Variants in COL19A1 observed in about 807,000 individuals in gnomAD.
The protein encoded by COL19A1 is collagen alpha-1(XIX) chain.
COL19A1 carries 159 observed loss-of-function variants against 190.2 expected under a neutral mutation model. That is an observed-to-expected ratio of 0.84 (90% CI 0.73 to 0.95). COL19A1 has a LOEUF of 0.95. Among genes scored for constraint, COL19A1 ranks in the 40% least tolerant of loss-of-function variants. The pLI, the probability that COL19A1 is intolerant of heterozygous loss-of-function variation, is 0.00. For missense variants in COL19A1, 1,418 were observed against 1,431.9 expected (o/e 0.99, Z 0.16); for synonymous variants, 509 against 458.9 (o/e 1.11, Z -1.39).
chr6:70,025,673 C>G (rs572171343), intron 12 of COL19A1, among the ~76,000 whole-genome samples: 1 of 152,194 alleles, frequency 6.6e-6, no homozygotes, highest in Non-Finnish European at 1.5e-5. Flanking sequence ...TTACACTCTC[C>G]GTGAAAGCAA....
chr6:69,880,564 AG>A (rs1768467504), intron 2 of COL19A1, among the ~76,000 whole-genome samples: 1 of 152,230 alleles, frequency 6.6e-6, no homozygotes, highest in Admixed American at 6.5e-5. Context: ...TTTGAGTTTG[AG>A]GCACACATAA....
At chr6:69,931,196 C>T (rs1182043981) in intron 6 of COL19A1, among the ~76,000 whole-genome samples, 1 of 151,952 alleles carries the variant, frequency 6.6e-6, no homozygotes, top group Non-Finnish European at 1.5e-5. Flanking sequence ...TTCACCTATC[C>T]CACCTGTGTA....
chr6:70,173,626 T>A (rs551632505), intron 41 of COL19A1, among the ~76,000 whole-genome samples: 1 of 152,312 alleles, frequency 6.6e-6, no homozygotes, highest in East Asian at 1.9e-4. Context: ...ATGGATGACC[T>A]TGACCAGAGA....
chr6:70,123,035 T>C (rs1354106034), intron 17 of COL19A1, among the ~76,000 whole-genome samples: 1 of 152,124 alleles, frequency 6.6e-6, no homozygotes, highest in Non-Finnish European at 1.5e-5. Context: ...ATTAAACACT[T>C]CTTTAATTTC....
intron 16 of COL19A1, among the ~76,000 whole-genome samples, chr6:70,106,733 A>T (rs558221461): frequency 6.6e-6 from 1 of 152,342 alleles, no homozygotes; most frequent in Non-Finnish European, 1.5e-5. Flanking sequence ...ACCTATACAA[A>T]GGAAAAAGCT....
intron 2 of COL19A1, among the ~76,000 whole-genome samples, chr6:69,897,464 C>T (rs1582320698): frequency 9.1e-6 from 1 of 109,742 alleles, no homozygotes; most frequent in African/African-American, 4.2e-5. Context: ...GTTTTACACA[C>T]ACACACACAC....
chr6:70,094,199 G>A (rs1009379000), intron 15 of COL19A1, among the ~76,000 whole-genome samples: 7 of 152,098 alleles, frequency 4.6e-5, no homozygotes, highest in Non-Finnish European at 1.0e-4. Flanking sequence ...AGTTCAAAAT[G>A]TAATTCTTTA....
At chr6:70,035,986 G>C (rs369561247) in intron 14 of COL19A1, 47 bp downstream of exon 14, 252 of 1,557,630 alleles carry the variant, frequency 1.6e-4, no homozygotes, top group Non-Finnish European at 2.2e-4. Flanking sequence ...CCATTATTCT[G>C]TTTATTATCC....
At chr6:70,032,886 A>G (rs961020361) in intron 12 of COL19A1, among the ~76,000 whole-genome samples, 4 of 152,192 alleles carry the variant, frequency 2.6e-5, no homozygotes, top group African/African-American at 9.6e-5. Context: ...TCAAGTGTTT[A>G]CAATATTCTG....
chr6:70,169,261 C>G (rs1028401930), intron 40 of COL19A1, among the ~76,000 whole-genome samples: 1 of 152,158 alleles, frequency 6.6e-6, no homozygotes, highest in African/African-American at 2.4e-5. Context: ...AACCATGGAG[C>G]CTCTGTAAAA....
rs535410166 is a variant in COL19A1, at chr6:70,182,403, C to T, written c.2775+1880C>T. ...AGCCAAGAGTTCTGTTTGACATGTT[C>T]ATGATGGAGCACTAGCAGGTATTCA... On this transcript the variant is annotated intron_variant, in intron 44 of 50. Coordinates refer to ENST00000620364, the MANE Select transcript of COL19A1 (RefSeq NM_001858.6). Among the ~76,000 whole-genome samples the T allele has an allele frequency of 2.6e-5, 4 of 152,290 alleles. No individual in the cohort carries two copies. In the South Asian group the frequency reaches 8.3e-4, roughly 32 times the overall value.
At chr6:70,066,052 G>C (rs764273275) in intron 14 of COL19A1, among the ~76,000 whole-genome samples, 6 of 152,082 alleles carry the variant, frequency 3.9e-5, no homozygotes, top group Non-Finnish European at 8.8e-5. Context: ...GATTCCTCAG[G>C]GATCTAGAAC....
chr6:70,008,881 G>T (rs1377450255), intron 11 of COL19A1, among the ~76,000 whole-genome samples: 2 of 151,884 alleles, frequency 1.3e-5, no homozygotes, highest in African/African-American at 4.8e-5. Flanking sequence ...TTGAAAATTT[G>T]TTGATGTCAT....
chr6:69,993,703 G>A (rs1461733279), intron 11 of COL19A1, among the ~76,000 whole-genome samples: 1 of 152,054 alleles, frequency 6.6e-6, no homozygotes, highest in East Asian at 1.9e-4. Flanking sequence ...CTGTTTCTAG[G>A]AGTTTACCTA....
In COL19A1 at chr6:70,065,334, C is replaced by T. The variant is rs374609880; in HGVS notation, c.1171-3089C>T. ...CTACAACTATCTGATCTTTGACAAA[C>T]CTGACAAAAACAAGAAATGGGGAAA... On this transcript the variant is annotated intron_variant, in intron 14 of 50. Transcript: ENST00000620364. Among the ~76,000 whole-genome samples the T allele has an allele frequency of 1.2e-4, 19 of 152,074 alleles. No homozygotes were observed. The East Asian group carries it at 1.3e-3, about 11-fold the overall frequency.
intron 3 of COL19A1, among the ~76,000 whole-genome samples, chr6:69,900,015 A>G (rs1001035637): frequency 5.3e-5 from 8 of 152,182 alleles, no homozygotes; most frequent in African/African-American, 1.9e-4. Context: ...AAATATATTC[A>G]TGATTTTTTT....
At chr6:69,868,649 A>C (rs1429840065) in intron 1 of COL19A1, among the ~76,000 whole-genome samples, 2 of 152,154 alleles carry the variant, frequency 1.3e-5, no homozygotes, top group Non-Finnish European at 2.9e-5. Flanking sequence ...AAGAAAGAGC[A>C]AAAAGGTGAA....
At chr6:70,184,771 A>G in intron 45 of COL19A1, 33 bp downstream of exon 45, 2 of 1,602,580 alleles carry the variant, frequency 1.2e-6, no homozygotes, top group Non-Finnish European at 1.7e-6. Context: ...TAAAAGTTAT[A>G]ATGCATACTG....
At position 70,188,212 on chromosome 6, in the gene COL19A1, C is replaced by A; in HGVS notation, c.2994C>A (p.Gly998=). The stretch of plus-strand genomic sequence containing the variant: ...CCATGGGATCCCCTGGCCACCAAGG[C>A]CCTCCAGGCTCTCCAGGCATCCCTG... ...KGSMGSPGHQ[G]PPGSPGIPGI... Residue 998 remains glycine (G), a synonymous_variant, in exon 47 of 51, where the codon GGC becomes GGA. Coordinates refer to ENST00000620364, the MANE Select transcript of COL19A1 (RefSeq NM_001858.6). The A allele has an allele frequency of 6.2e-7, 1 of 1,612,096 alleles. No homozygotes were observed. The highest frequency in any genetic ancestry group is 1.1e-5 in the South Asian group (1 of 90,400).
Sources: allele counts gnomAD v4.1 joint callset (sites outside exome capture counted in the v4.1 genomes callset), GRCh38; gene constraint gnomAD v4.1.1; transcripts MANE v1.5; gene names NCBI Gene and HGNC (gene_info 2026-07-23, HGNC 2026-07-21).